Variants in KDM8 observed in about 807,000 individuals in gnomAD.
KDM8 encodes bifunctional peptidase and arginyl-hydroxylase JMJD5.
Under a neutral mutation model 46.9 loss-of-function variants are expected in KDM8, and 35 were observed. The ratio of observed to expected loss-of-function variants is 0.75; its 90% confidence interval spans 0.57 to 0.99. The LOEUF is 0.99. Ranked by LOEUF, KDM8 falls within the 50% of genes least tolerant of loss-of-function variation. KDM8 has a pLI of 0.00. For missense variants in KDM8, 475 were observed against 537.0 expected, an observed-to-expected ratio of 0.88 and a Z score of 1.14; for synonymous variants, 232 against 227.7, an observed-to-expected ratio of 1.02 and a Z score of -0.17.
rs1057255341 is a variant in KDM8, at chr16:27,216,042, C to G, written c.843+53C>G. 80 of 1,590,822 alleles carry G rather than the reference C, an allele frequency of 5.0e-5. 1 individual carries two copies. In the Admixed American group the frequency reaches 1.3e-3, roughly 27 times the overall value. ...CCTCACCGTCTCACCTTCCCCTCTC[C>G]TCCCCTCCTGGGCTCAGTGCGGCTG... On this transcript the variant is annotated intron_variant, in intron 5 of 7. Coordinates refer to ENST00000286096, the MANE Select transcript of KDM8 (RefSeq NM_024773.3).
intron 5 of KDM8, 38 bp downstream of exon 5, chr16:27,216,027 T>C (rs2083547036): frequency 6.2e-7 from 1 of 1,610,788 alleles, no homozygotes; most frequent in East Asian, 2.2e-5. Context: ...CCTCACCGTC[T>C]CACCTTCCCC....
In KDM8 at chr16:27,216,693, G is replaced by A. The variant is rs1256552537; in HGVS notation, c.843+704G>A. Among the ~76,000 whole-genome samples the A allele has an allele frequency of 2.6e-5, 4 of 152,172 alleles. No individual in the cohort carries two copies. The East Asian group carries it at 7.7e-4, about 29-fold the overall frequency. On this transcript the variant is annotated intron_variant, in intron 5 of 7. Transcript: ENST00000286096. ...AGGGCCAGTAGGGGCTGTGCCAGGA[G>A]CCTTCATGCCGACATTAAAGGACGC...
At chr16:27,215,323 T>C (rs1395202402) in intron 4 of KDM8, among the ~76,000 whole-genome samples, 1 of 152,202 alleles carries the variant, frequency 6.6e-6, no homozygotes, top group Non-Finnish European at 1.5e-5. Flanking sequence ...CTCACACCTG[T>C]AATCCCAGCA....
rs1478293338 is a variant in KDM8 at position 27,217,765 on chromosome 16, C to T, written c.844-1196C>T. On this transcript the variant is annotated intron_variant, in intron 5 of 7. Transcript: ENST00000286096. Reference sequence around the variant, plus strand: ...TCCACCTGCAGGTGCCTTCAGGCTGCGGAGCAGTGACTCTTAAAAAGCCCT... The same window carrying T: ...TCCACCTGCAGGTGCCTTCAGGCTGTGGAGCAGTGACTCTTAAAAAGCCCT... Among the ~76,000 whole-genome samples, 3 of 152,138 alleles carry T rather than the reference C, an allele frequency of 2.0e-5. 1 individual carries two copies. Among genetic ancestry groups the T allele is most frequent in the Admixed American group, 2.0e-4 (3 of 15,272 alleles).
intron 6 of KDM8, 147 bp from the exon 7 acceptor site, chr16:27,220,246 A>G (rs1441984021): frequency 1.4e-6 from 1 of 716,620 alleles, no homozygotes; most frequent in Non-Finnish European, 2.5e-6. Flanking sequence ...AAAGAAAAAC[A>G]TACACGTGGA....
intron 7 of KDM8, 22 bp from the exon 8 acceptor site, chr16:27,220,544 T>C: frequency 6.2e-7 from 1 of 1,614,212 alleles, no homozygotes; most frequent in Non-Finnish European, 8.5e-7. Flanking sequence ...CTGGAGATGA[T>C]GACGTCCTTT....
At position 27,213,627 on chromosome 16, in the gene KDM8, GA is replaced by G. The variant is rs1180539078; in HGVS notation, c.547del (p.Thr183GlnfsTer24). ...TGGTTTGATTCCAGATGTGAAGTTA[GA>G]AAAAACAGTCCCCCGGCTGCACCGT... ...DHGLIPDVKL[E>X]KTVPRLHRPS... On this transcript the variant is annotated frameshift_variant, in exon 3 of 8. Transcript: ENST00000286096. LOFTEE classifies it high-confidence loss of function. The G allele has an allele frequency of 6.2e-7, 1 of 1,614,078 alleles. No homozygotes were observed. The highest frequency in any genetic ancestry group is 8.5e-7 in the Non-Finnish European group (1 of 1,179,994).
At chr16:27,213,786 C>G (rs367993556) in intron 3 of KDM8, 35 bp downstream of exon 3, 13 of 1,606,288 alleles carry the variant, frequency 8.1e-6, no homozygotes, top group Admixed American at 3.4e-5. Context: ...GGTCCCTTTT[C>G]CCATTTTAGC....
At chr16:27,208,284 G>A (rs1012938929) in intron 1 of KDM8, among the ~76,000 whole-genome samples, 8 of 150,158 alleles carry the variant, frequency 5.3e-5, no homozygotes, top group African/African-American at 1.5e-4. Context: ...AAGCAGACAC[G>A]GGGCCACTGG....
At chr16:27,203,985 C>A in intron 1 of KDM8, 1 of 866,372 alleles carries the variant, frequency 1.2e-6, no homozygotes, top group Non-Finnish European at 1.7e-6. Flanking sequence ...AGTGCGCCTG[C>A]GCGGGTTTTA....
chr16:27,204,507 C>T (rs1217034883), intron 1 of KDM8: 1 of 332,726 alleles, frequency 3.0e-6, no homozygotes, highest in East Asian at 7.3e-5. Context: ...GCCATAATAA[C>T]ATTGAGGAGA....
intron 5 of KDM8, among the ~76,000 whole-genome samples, 167 bp from the exon 6 acceptor site, chr16:27,218,794 C>G (rs1185822668): frequency 6.6e-6 from 1 of 152,188 alleles, no homozygotes; most frequent in Non-Finnish European, 1.5e-5. Context: ...CTGCAGTGAG[C>G]TGAGATCACG....
chr16:27,207,969 T>A (rs145445400), intron 1 of KDM8, among the ~76,000 whole-genome samples: 28 of 152,232 alleles, frequency 1.8e-4, no homozygotes, highest in Non-Finnish European at 3.1e-4. Context: ...AACAAACTTA[T>A]ACAGCCATCC....
In KDM8 at chr16:27,219,006, C is replaced by G. The variant is rs772181082; in HGVS notation, c.889C>G (p.Leu297Val). 2 of 1,614,152 alleles carry G rather than the reference C, an allele frequency of 1.2e-6. No individual in the cohort carries two copies. Among genetic ancestry groups the G allele is most frequent in the African/African-American group, 1.3e-5 (1 of 75,040 alleles). Residue 297 changes from leucine to valine, a missense_variant, in exon 6 of 8, where the codon CTG becomes GTG. Leu to Val is a conservative substitution (Grantham distance 32). Coordinates refer to ENST00000286096, the MANE Select transcript of KDM8 (RefSeq NM_024773.3). ...QDISIPDYCS[L>V]GDGEEEEITI... ...CATCAGCATCCCCGACTACTGCAGC[C>G]TGGGCGATGGGGAGGAGGAGGAAAT...
At chr16:27,210,904 G>C (rs1042750359) in intron 2 of KDM8, among the ~76,000 whole-genome samples, 9 of 152,232 alleles carry the variant, frequency 5.9e-5, no homozygotes, top group South Asian at 2.1e-4. Flanking sequence ...CTGGAACTAT[G>C]GGTGCATGGC....
intron 6 of KDM8, 53 bp from the exon 7 acceptor site, chr16:27,220,339 TG>T (rs1241411989): frequency 2.0e-6 from 3 of 1,505,114 alleles, no homozygotes; most frequent in Admixed American, 1.7e-5. Context: ...AGAGTGGGCT[TG>T]GGGCAGCAGT....
At chr16:27,212,284 G>A (rs995195700) in intron 2 of KDM8, among the ~76,000 whole-genome samples, 4 of 152,240 alleles carry the variant, frequency 2.6e-5, no homozygotes, top group African/African-American at 4.8e-5. Flanking sequence ...TTCATCTTTG[G>A]CTGTTAAGTT....
rs2140979798 is a variant in KDM8 at position 27,221,711 on chromosome 16, T to C, written c.*981T>C. 6.6e-6 allele frequency: 1 copy of C among 152,392 alleles called. No homozygotes were observed. The highest frequency in any genetic ancestry group is 1.5e-5 in the Non-Finnish European group (1 of 68,070). 9.4% of individuals were successfully genotyped at this position (152,392 alleles called of 1,614,324 possible). A position where few individuals can be genotyped will look rare whatever the true frequency, so the allele number is the denominator to read the frequency against. On this transcript the variant is annotated 3_prime_UTR_variant, in exon 8 of 8. Coordinates refer to ENST00000286096, the MANE Select transcript of KDM8 (RefSeq NM_024773.3). ...TTTTATGTTTTGGCCATTAAGATTT[T>C]CCCCAGCCCTCTGTTTTTTGTTTTT...
chr16:27,207,910 G>A (rs915488439), intron 1 of KDM8, among the ~76,000 whole-genome samples: 1 of 152,138 alleles, frequency 6.6e-6, no homozygotes, highest in Non-Finnish European at 1.5e-5. Flanking sequence ...CCTTTGGGGA[G>A]GCCATTTCAA....
Sources: allele counts gnomAD v4.1 joint callset (sites outside exome capture counted in the v4.1 genomes callset), GRCh38; gene constraint gnomAD v4.1.1; transcripts MANE v1.5; gene names NCBI Gene and HGNC (gene_info 2026-07-23, HGNC 2026-07-21).